STPG2: variants seen among roughly 807,000 people sequenced by gnomAD.
STPG2 encodes sperm tail PG-rich repeat containing 2.
Under a neutral mutation model 54.2 loss-of-function variants are expected in STPG2, and 56 were observed. The ratio of observed to expected loss-of-function variants is 1.03; its 90% CI spans 0.83 to 1.29. STPG2 has a LOEUF of 1.29. Ranked by LOEUF, STPG2 falls within the 50% of genes most tolerant of loss-of-function variation. STPG2 has a pLI of 0.00. For missense variants in STPG2, 596 were observed against 544.9 expected (o/e 1.09, Z -0.93); for synonymous variants, 200 against 181.8 (o/e 1.10, Z -0.81).
intron 5 of STPG2, among the ~76,000 whole-genome samples, chr4:98,014,723 G>A (rs1735877033): frequency 6.6e-6 from 1 of 151,948 alleles, no homozygotes; most frequent in South Asian, 2.1e-4. Context: ...TTCATGTGTT[G>A]TCATATTTTT....
intron 8 of STPG2, among the ~76,000 whole-genome samples, chr4:97,887,268 T>C (rs1218229561): frequency 6.6e-6 from 1 of 152,084 alleles, no homozygotes; most frequent in Non-Finnish European, 1.5e-5. Flanking sequence ...GACAGGAAGA[T>C]GAGGGAAATT....
intron 4 of STPG2, among the ~76,000 whole-genome samples, chr4:97,512,423 G>A (rs1207975796): frequency 6.6e-6 from 1 of 152,122 alleles, no homozygotes; most frequent in Non-Finnish European, 1.5e-5. Flanking sequence ...GACTGTAAAT[G>A]TTTAGCATGG....
At chr4:97,800,876 C>T (rs1397087453) in intron 9 of STPG2, among the ~76,000 whole-genome samples, 1 of 152,154 alleles carries the variant, frequency 6.6e-6, no homozygotes, top group Non-Finnish European at 1.5e-5. Flanking sequence ...CAAGCCTCAG[C>T]AATGGCAGGC....
intron 5 of STPG2, among the ~76,000 whole-genome samples, chr4:98,006,859 A>G (rs1270070614): frequency 6.6e-6 from 1 of 152,164 alleles, no homozygotes; most frequent in Non-Finnish European, 1.5e-5. Flanking sequence ...GGTGGGTCCC[A>G]CACCTGTTCA....
In STPG2 at chr4:97,642,403, G is replaced by C. The variant is rs528625231; in HGVS notation, c.1320+70296C>G. Among the ~76,000 whole-genome samples the C allele has an allele frequency of 1.6e-3, 244 of 151,256 alleles. 3 individuals are homozygous for C. The South Asian group carries it at 0.02, about 12-fold the overall frequency. On this transcript the variant is annotated intron_variant, in intron 10 of 10. Transcript: ENST00000295268. ...TATTTAAGGTTTAGGAAGTACTATT[G>C]ATAGCATTTATGATAAATAACATTT...
At chr4:97,852,289 G>C (rs1729185197) in intron 8 of STPG2, among the ~76,000 whole-genome samples, 3 of 152,116 alleles carry the variant, frequency 2.0e-5, no homozygotes. Flanking sequence ...CATCTACTTT[G>C]GTTCAGTATG....
chr4:97,711,669 CT>C (rs1242814556), intron 10 of STPG2, among the ~76,000 whole-genome samples: 3,915 of 133,632 alleles, frequency 0.029, 152 homozygotes, highest in African/African-American at 0.098. Context: ...TATTTACTTA[CT>C]TTTTTTTTTT....
At chr4:97,670,011 A>C (rs1035004445) in intron 10 of STPG2, among the ~76,000 whole-genome samples, 2 of 152,058 alleles carry the variant, frequency 1.3e-5, no homozygotes, top group Non-Finnish European at 1.5e-5. Flanking sequence ...TTTTTTTATT[A>C]TTGCTATATT....
chr4:97,613,802 T>A (rs1350055934), intron 10 of STPG2, among the ~76,000 whole-genome samples: 1 of 151,998 alleles, frequency 6.6e-6, no homozygotes, highest in Admixed American at 6.6e-5. Flanking sequence ...CCTTTTGAGG[T>A]TTTTTTCTAC....
intron 10 of STPG2, among the ~76,000 whole-genome samples, chr4:97,635,003 C>T (rs1176218854): frequency 6.6e-6 from 1 of 152,132 alleles, no homozygotes; most frequent in Non-Finnish European, 1.5e-5. Context: ...CACAAAGATA[C>T]TCCTCCAGAA....
chr4:97,635,954 C>T (rs1188176355), intron 10 of STPG2, among the ~76,000 whole-genome samples: 2 of 143,004 alleles, frequency 1.4e-5, no homozygotes, highest in Non-Finnish European at 3.1e-5. Flanking sequence ...TCAACAAGGA[C>T]ACCCAGGAAT....
At chr4:97,897,158 A>G (rs921023135) in intron 8 of STPG2, among the ~76,000 whole-genome samples, 3 of 151,914 alleles carry the variant, frequency 2.0e-5, no homozygotes, top group Admixed American at 1.3e-4. Flanking sequence ...AATATGCAGT[A>G]TTTGGTTTTC....
At chr4:98,026,003 G>A in intron 5 of STPG2, 1 of 1,063,652 alleles carries the variant, frequency 9.4e-7, no homozygotes, top group South Asian at 1.3e-5. Flanking sequence ...GTTGCAGAAT[G>A]TTGCAGATTA....
At chr4:97,618,651 C>T (rs1406369324) in intron 10 of STPG2, among the ~76,000 whole-genome samples, 1 of 152,156 alleles carries the variant, frequency 6.6e-6, no homozygotes, top group Admixed American at 6.6e-5. Flanking sequence ...TGTATAAATA[C>T]ATGATGCACT....
At chr4:97,708,059 G>A (rs1724004365) in intron 10 of STPG2, among the ~76,000 whole-genome samples, 1 of 151,962 alleles carries the variant, frequency 6.6e-6, no homozygotes, top group African/African-American at 2.4e-5. Flanking sequence ...TCTCTTAAAT[G>A]TATACTCTAA....
intron 7 of STPG2, among the ~76,000 whole-genome samples, chr4:97,955,126 A>T (rs783952): frequency 0.83 from 126,848 of 152,000 alleles, 53,115 homozygotes; most frequent in Middle Eastern, 0.94. Context: ...GTTGAAATAG[A>T]TGAAAAAAAG....
intron 9 of STPG2, among the ~76,000 whole-genome samples, chr4:97,838,977 T>A (rs77126077): frequency 4.6e-5 from 7 of 151,654 alleles, no homozygotes; most frequent in Non-Finnish European, 8.9e-5. Context: ...TTAACCAACA[T>A]GATAAACTCT....
intron 5 of STPG2, chr4:98,026,056 C>T (rs766706925): frequency 1.8e-6 from 2 of 1,090,874 alleles, no homozygotes; most frequent in Non-Finnish European, 2.7e-6. Flanking sequence ...TCTCTCAATA[C>T]ATAAAGAACA....
At chr4:97,773,502 G>A (rs527913060) in intron 9 of STPG2, among the ~76,000 whole-genome samples, 1 of 151,960 alleles carries the variant, frequency 6.6e-6, no homozygotes, top group South Asian at 2.1e-4. Flanking sequence ...TTAACAGCTG[G>A]AATCTCACTA....
Sources: gnomAD v4.1 joint callset for allele counts (sites outside exome capture counted in the v4.1 genomes callset) on GRCh38, gnomAD v4.1.1 for gene constraint, MANE v1.5 for transcripts, NCBI Gene and HGNC (gene_info 2026-07-23, HGNC 2026-07-21) for gene names.